CLEC2L: variants seen among roughly 807,000 people sequenced by gnomAD.
CLEC2L encodes the protein C-type lectin domain family 2, member L.
A neutral mutation model predicts 23.6 loss-of-function variants in CLEC2L; 14 were observed. The ratio of observed to expected loss-of-function variants is 0.59; its 90% CI spans 0.39 to 0.93. The LOEUF (loss-of-function observed/expected upper bound fraction) is 0.93. CLEC2L is among the 40% of genes least tolerant of loss of function. The pLI, the probability that CLEC2L is intolerant of heterozygous loss-of-function variation, is 0.00. For missense variants in CLEC2L, 264 were observed against 282.4 expected, an observed-to-expected ratio of 0.93 and a Z score of 0.47; for synonymous variants, 114 against 121.3, an observed-to-expected ratio of 0.94 and a Z score of 0.40.
chr7:139,531,335 T>A (rs1797579900), intron 1 of CLEC2L, among the ~76,000 whole-genome samples: 1 of 152,150 alleles, frequency 6.6e-6, no homozygotes, highest in African/African-American at 2.4e-5. Flanking sequence ...ATAGGATTCT[T>A]TAAGAGGGGG....
chr7:139,534,754 C>CT (rs139338322), intron 1 of CLEC2L, among the ~76,000 whole-genome samples: 5,097 of 150,496 alleles, frequency 0.034, 281 homozygotes, highest in African/African-American at 0.12. Context: ...TCTTTTCTTC[C>CT]TTTTTTTTTA....
intron 1 of CLEC2L, among the ~76,000 whole-genome samples, chr7:139,530,794 C>G (rs956828269): frequency 3.3e-5 from 4 of 120,610 alleles, no homozygotes; most frequent in African/African-American, 1.3e-4. Flanking sequence ...GCCTGGGTGA[C>G]AGAGTGAGAC....
At chr7:139,537,177 C>T (rs905230290) in intron 2 of CLEC2L, among the ~76,000 whole-genome samples, 1 of 151,862 alleles carries the variant, frequency 6.6e-6, no homozygotes, top group African/African-American at 2.4e-5. Flanking sequence ...TGCACTGAAC[C>T]CTGGAGAATG....
At chr7:139,524,765 C>CT (rs1797482339) in intron 1 of CLEC2L, among the ~76,000 whole-genome samples, 2 of 152,164 alleles carry the variant, frequency 1.3e-5, no homozygotes, top group African/African-American at 4.8e-5. Flanking sequence ...TAGCTACCGC[C>CT]GGCGGCGTGT....
intron 1 of CLEC2L, among the ~76,000 whole-genome samples, chr7:139,535,919 T>C (rs761379943): frequency 1.0e-4 from 15 of 149,788 alleles, no homozygotes; most frequent in Non-Finnish European, 1.9e-4. Flanking sequence ...GCAGGGAGGG[T>C]TTCAAGCCAG....
At chr7:139,524,164 A>G in intron 1 of CLEC2L, 47 bp downstream of exon 1, 1 of 1,173,682 alleles carries the variant, frequency 8.5e-7, no homozygotes, top group Non-Finnish European at 1.1e-6. Context: ...ACCCCTGCCC[A>G]GGCCCGACCC....
intron 4 of CLEC2L, among the ~76,000 whole-genome samples, 176 bp downstream of exon 4, chr7:139,542,297 C>A (rs941666794): frequency 6.6e-6 from 1 of 152,192 alleles, no homozygotes; most frequent in Non-Finnish European, 1.5e-5. Flanking sequence ...GTACTTCTCC[C>A]TCTCTCATAA....
intron 1 of CLEC2L, among the ~76,000 whole-genome samples, chr7:139,524,575 G>A (rs973954898): frequency 6.6e-6 from 1 of 150,396 alleles, no homozygotes; most frequent in Non-Finnish European, 1.5e-5. Flanking sequence ...TGGGGCATGT[G>A]GGGAGGGCAG....
At chr7:139,543,367 C>A (rs1391265693) in intron 4 of CLEC2L, among the ~76,000 whole-genome samples, 1 of 152,174 alleles carries the variant, frequency 6.6e-6, no homozygotes, top group Non-Finnish European at 1.5e-5. Context: ...CTCTCAGAGC[C>A]CTGCAGGCTG....
At chr7:139,534,669 A>G (rs1797627632) in intron 1 of CLEC2L, 2 of 498,420 alleles carry the variant, frequency 4.0e-6, no homozygotes, top group Admixed American at 3.2e-5. Flanking sequence ...GTTATACTCT[A>G]GCCAAGATTG....
At chr7:139,535,403 ACTT>A (rs1470758685) in intron 1 of CLEC2L, among the ~76,000 whole-genome samples, 1 of 152,178 alleles carries the variant, frequency 6.6e-6, no homozygotes, top group Non-Finnish European at 1.5e-5. Flanking sequence ...AGGGAACAGA[ACTT>A]CTGTCTGGGA....
At chr7:139,536,140 A>AAAC (rs907935062) in intron 1 of CLEC2L, 134 bp from the exon 2 acceptor site, 11 of 683,220 alleles carry the variant, frequency 1.6e-5, no homozygotes, top group African/African-American at 7.3e-5. Context: ...CCCCATCTCA[A>AAAC]AACAACAACA....
At chr7:139,534,532 C>T in intron 1 of CLEC2L, 4 of 765,022 alleles carry the variant, frequency 5.2e-6, no homozygotes, top group Non-Finnish European at 9.7e-6. Context: ...TCTTCATCGG[C>T]AGGCTCAACA....
chr7:139,536,345 T>G lies in CLEC2L; in HGVS notation c.262T>G (p.Leu88Val), dbSNP rs1460174504. Residue 88 changes from leucine to valine, a missense_variant, in exon 2 of 5, where the codon TTG (leucine) becomes GTG (valine). By Grantham distance (32) the Leu-to-Val change is conservative (BLOSUM62 1). Transcript: ENST00000422142. ...CGCCATCTTGGTGGTGATGAGCATCTTGGGTGAGCATGCGTGTCAGAGCAT... is the reference window on the plus strand; with the variant it reads ...CGCCATCTTGGTGGTGATGAGCATCGTGGGTGAGCATGCGTGTCAGAGCAT... ...LFAILVVMSILASKGCIKCEA... is the reference protein window; with the variant it reads ...LFAILVVMSIVASKGCIKCEA... 1.9e-6 allele frequency: 3 copies of G among 1,551,376 alleles called. No individual in the cohort carries two copies. Among genetic ancestry groups the G allele is most frequent in the East Asian group, 2.4e-5 (1 of 40,904 alleles).
intron 1 of CLEC2L, among the ~76,000 whole-genome samples, chr7:139,533,754 T>A (rs777584122): frequency 1.1e-4 from 17 of 152,244 alleles, no homozygotes; most frequent in Non-Finnish European, 2.2e-4. Flanking sequence ...CTTTTTAAAA[T>A]CCTTTGTAAA....
chr7:139,536,363 C>A lies in CLEC2L; in HGVS notation c.265+15C>A. ...GAGCATCTTGGGTGAGCATGCGTGT[C>A]AGAGCATTTATGCATTCAGTTTGCA... On this transcript the variant is annotated intron_variant, in intron 2 of 4. Transcript: ENST00000422142. 6.5e-7 allele frequency: 1 copy of A among 1,549,794 alleles called. No individual in the cohort carries two copies. Among genetic ancestry groups the A allele is most frequent in the South Asian group, 1.2e-5 (1 of 83,970 alleles).
rs1313052431 is a variant in CLEC2L at position 139,530,749 on chromosome 7, G to T, written c.191-5525G>T. On this transcript the variant is annotated intron_variant, in intron 1 of 4. Transcript: ENST00000422142. Reference sequence around the variant, plus strand: ...AATTGCTTGAACCCAGGAAGCAGAGGTTGCAGTGAGCTGAGATCGCACCAC... The same window carrying T: ...AATTGCTTGAACCCAGGAAGCAGAGTTTGCAGTGAGCTGAGATCGCACCAC... Among the ~76,000 whole-genome samples, 5 of 148,864 alleles carry T rather than the reference G, an allele frequency of 3.4e-5. No homozygotes were observed. In the East Asian group the frequency reaches 9.8e-4, roughly 29 times the overall value.
In CLEC2L at chr7:139,544,351, GGGCCAGAGGTGGCCCCGCCCCTA is replaced by G. The variant is rs1202310613; in HGVS notation, c.*14_*36del. On this transcript the variant is annotated 3_prime_UTR_variant, in exon 5 of 5. Transcript: ENST00000422142. Reference sequence around the variant, plus strand: ...AGATGGCCTATACTTGAGGTGGGTGGGGCCAGAGGTGGCCCCGCCCCTAGGCCTGTGGGAGGTGTCTGGTGTCT... The same window carrying G: ...AGATGGCCTATACTTGAGGTGGGTGGGGCCTGTGGGAGGTGTCTGGTGTCT... The G allele has an allele frequency of 2.5e-6, 4 of 1,591,896 alleles. No homozygotes were observed. The Admixed American group carries it at 6.8e-5, about 27-fold the overall frequency.
intron 1 of CLEC2L, among the ~76,000 whole-genome samples, chr7:139,527,823 C>T (rs1349566284): frequency 1.3e-5 from 2 of 152,182 alleles, no homozygotes; most frequent in African/African-American, 4.8e-5. Context: ...ATCAAAACCA[C>T]ACACATGCTT....
Sources: allele counts gnomAD v4.1 joint callset (sites outside exome capture counted in the v4.1 genomes callset), GRCh38; gene constraint gnomAD v4.1.1; transcripts MANE v1.5; gene names NCBI Gene and HGNC (gene_info 2026-07-23, HGNC 2026-07-21).